Variants in PNPLA1 observed in about 807,000 individuals in gnomAD.
The protein encoded by PNPLA1 is omega-hydroxyceramide transacylase.
Under a neutral mutation model 51.7 loss-of-function variants are expected in PNPLA1, and 36 were observed. The observed-to-expected ratio is 0.70, with a 90% confidence interval of 0.53 to 0.92. The LOEUF is 0.92. PNPLA1 is among the 40% of genes least tolerant of loss of function. The pLI, the probability that PNPLA1 is intolerant of heterozygous loss-of-function variation, is 0.00. For synonymous variants in PNPLA1, 293 were observed against 280.1 expected (o/e 1.05, Z -0.46); for missense variants, 658 against 682.5 (o/e 0.96, Z 0.40).
upstream of PNPLA1, among the ~76,000 whole-genome samples, chr6:36,269,653 A>G (rs1388772140): frequency 2.0e-5 from 3 of 152,236 alleles, no homozygotes; most frequent in Non-Finnish European, 2.9e-5. Context: ...GACCAAGGTC[A>G]CAGGGTCAGT....
upstream of PNPLA1, among the ~76,000 whole-genome samples, chr6:36,269,630 T>C (rs1282085981): frequency 6.6e-6 from 1 of 152,128 alleles, no homozygotes; most frequent in East Asian, 1.9e-4. Flanking sequence ...TTGGGGCTTG[T>C]CGAGAGGGCA....
In PNPLA1 at chr6:36,288,683, C is replaced by T. The variant is rs550427908; in HGVS notation, c.206-2637C>T. 3.2e-3 allele frequency among the ~76,000 whole-genome samples: 482 copies of T among 151,956 alleles called. 2 individuals carry two copies. The highest frequency in any genetic ancestry group is 0.011 in the African/African-American group (453 of 41,482). ...CCTTGTTAGCCAGGATGGTCTCGAT[C>T]TCCTGACCTCATGATCCACCCGCCT... is the stretch of plus-strand genomic sequence containing the variant. On this transcript the variant is annotated intron_variant, in intron 1 of 8. Coordinates refer to ENST00000636260, the MANE Select transcript of PNPLA1 (RefSeq NM_001374623.1).
intron 1 of PNPLA1, among the ~76,000 whole-genome samples, chr6:36,249,931 A>G (rs145567598): frequency 4.5e-4 from 69 of 152,322 alleles, no homozygotes; most frequent in Non-Finnish European, 8.8e-4. Flanking sequence ...CGTGGTCAAT[A>G]GTGGTTAGTT....
intron 1 of PNPLA1, among the ~76,000 whole-genome samples, chr6:36,256,088 A>T (rs1482677382): frequency 6.6e-6 from 1 of 152,176 alleles, no homozygotes; most frequent in African/African-American, 2.4e-5. Context: ...CCGGGCCTTT[A>T]ATATCCTACA....
intron 1 of PNPLA1, among the ~76,000 whole-genome samples, chr6:36,252,968 C>T (rs1359061452): frequency 2.0e-5 from 3 of 152,184 alleles, no homozygotes; most frequent in Non-Finnish European, 4.4e-5. Flanking sequence ...ATTGCCTGAG[C>T]TCAGGGGTTC....
chr6:36,250,462 G>C (rs1213733248), intron 1 of PNPLA1, among the ~76,000 whole-genome samples: 2 of 152,150 alleles, frequency 1.3e-5, no homozygotes. Flanking sequence ...TTGGGTGTTA[G>C]ATTTTTTGCT....
intron 1 of PNPLA1, among the ~76,000 whole-genome samples, chr6:36,247,639 G>T (rs889864866): frequency 1.3e-5 from 2 of 152,204 alleles, no homozygotes; most frequent in African/African-American, 2.4e-5. Context: ...GCAGAGGGGG[G>T]ACGTTGTGTT....
In PNPLA1 at chr6:36,276,785, C is replaced by G. The variant is rs142810045; in HGVS notation, c.205+6121C>G. On this transcript the variant is annotated intron_variant, in intron 1 of 8. Coordinates refer to ENST00000636260, the MANE Select transcript of PNPLA1 (RefSeq NM_001374623.1). ...TCCTTCCTTCCTTCCTTCCTTCCTT[C>G]CTTGCTTCCTTCCGTGTTAGTTGAG... is the stretch of plus-strand genomic sequence containing the variant. Among the ~76,000 whole-genome samples the G allele has an allele frequency of 2.6e-3, 383 of 146,488 alleles. 3 individuals are homozygous for G. Among genetic ancestry groups the G allele is most frequent in the African/African-American group, 7.7e-3 (304 of 39,368 alleles).
chr6:36,297,353 G>A (rs2127348555), intron 5 of PNPLA1, among the ~76,000 whole-genome samples: 1 of 152,212 alleles, frequency 6.6e-6, no homozygotes, highest in Non-Finnish European at 1.5e-5. Flanking sequence ...CATCAGATGT[G>A]AACAGGAACT....
At chr6:36,252,628 A>C (rs534511126) in intron 1 of PNPLA1, among the ~76,000 whole-genome samples, 1 of 151,898 alleles carries the variant, frequency 6.6e-6, no homozygotes, top group African/African-American at 2.4e-5. Flanking sequence ...ACTCCACAAG[A>C]CAGTCTATCT....
chr6:36,248,012 C>T (rs1346006675), intron 1 of PNPLA1, among the ~76,000 whole-genome samples: 1 of 152,098 alleles, frequency 6.6e-6, no homozygotes, highest in African/African-American at 2.4e-5. Context: ...TGGTAGAGCC[C>T]GAACTGGAAC....
chr6:36,250,720 G>T (rs557333820), intron 1 of PNPLA1, among the ~76,000 whole-genome samples: 1 of 152,256 alleles, frequency 6.6e-6, no homozygotes, highest in South Asian at 2.1e-4. Context: ...GAGGTAGGCT[G>T]GGTGTGGTGG....
intron 1 of PNPLA1, among the ~76,000 whole-genome samples, chr6:36,264,232 G>A (rs148159338): frequency 2.4e-4 from 36 of 152,306 alleles, no homozygotes; most frequent in African/African-American, 7.9e-4. Flanking sequence ...AAGGAAGGAT[G>A]TACACAAAAG....
In PNPLA1 at chr6:36,273,204, C is replaced by T. The variant is rs184241042; in HGVS notation, c.205+2540C>T. Reference sequence around the variant, plus strand: ...AGGTTGCAGTGAGATCGCGCTACTACACTCCAGCCTGGGTAACAAAGCCAG... The same window carrying T: ...AGGTTGCAGTGAGATCGCGCTACTATACTCCAGCCTGGGTAACAAAGCCAG... On this transcript the variant is annotated intron_variant, in intron 1 of 8. Transcript: ENST00000636260. Among the ~76,000 whole-genome samples, 10 of 152,070 alleles carry T rather than the reference C, an allele frequency of 6.6e-5. No homozygotes were observed. The East Asian group carries it at 1.9e-3, about 29-fold the overall frequency.
At chr6:36,267,223 G>A (rs925020554), upstream of PNPLA1, among the ~76,000 whole-genome samples, 1 of 152,198 alleles carries the variant, frequency 6.6e-6, no homozygotes, top group Non-Finnish European at 1.5e-5. Context: ...GATGTCATTC[G>A]CTTGAAGTTC....
At chr6:36,258,256 C>T (rs982740398) in intron 1 of PNPLA1, among the ~76,000 whole-genome samples, 4 of 152,200 alleles carry the variant, frequency 2.6e-5, no homozygotes, top group African/African-American at 9.7e-5. Flanking sequence ...ATGGCTTCTT[C>T]TCCTTTCCAG....
chr6:36,275,775 T>C (rs568667767), intron 1 of PNPLA1, among the ~76,000 whole-genome samples: 16 of 152,348 alleles, frequency 1.1e-4, no homozygotes, highest in Non-Finnish European at 2.1e-4. Flanking sequence ...TGAAAAGCTC[T>C]GCTGGGCTTT....
intron 1 of PNPLA1, among the ~76,000 whole-genome samples, chr6:36,287,182 A>G (rs1770520038): frequency 2.0e-5 from 3 of 152,076 alleles, no homozygotes; most frequent in Admixed American, 2.0e-4. Flanking sequence ...TCAGGTTTTT[A>G]TATTCCGTTG....
At chr6:36,247,985 G>T (rs1027729222) in intron 1 of PNPLA1, among the ~76,000 whole-genome samples, 30 of 152,144 alleles carry the variant, frequency 2.0e-4, no homozygotes, top group African/African-American at 6.5e-4. Context: ...GAGAACAGAA[G>T]GACACATGGG....
Sources: allele counts gnomAD v4.1 joint callset (sites outside exome capture counted in the v4.1 genomes callset), GRCh38; gene constraint gnomAD v4.1.1; transcripts MANE v1.5; gene names NCBI Gene and HGNC (gene_info 2026-07-23, HGNC 2026-07-21).